The following PHF14 variants were observed in gnomAD, a reference collection of about 807,000 sequenced individuals.
PHF14 encodes the protein PHD finger protein 14.
A neutral mutation model predicts 117.9 loss-of-function variants in PHF14; 55 were observed. That is an observed-to-expected ratio of 0.47 (90% CI 0.38 to 0.58). The LOEUF (loss-of-function observed/expected upper bound fraction) is 0.58. PHF14 is among the 20% of genes least tolerant of loss of function. The probability of loss-of-function intolerance (pLI) is 0.00; values close to 1 mark genes in which losing one functional copy is unlikely to be tolerated. For missense variants in PHF14, 978 were observed against 1,122.2 expected, an observed-to-expected ratio of 0.87 and a Z score of 1.84; for synonymous variants, 409 against 368.6, an observed-to-expected ratio of 1.11 and a Z score of -1.26.
chr7:11,135,395 T>G (rs1788191226), intron 17 of PHF14, among the ~76,000 whole-genome samples: 1 of 152,064 alleles, frequency 6.6e-6, no homozygotes, highest in Non-Finnish European at 1.5e-5. Context: ...AAGATAAAGG[T>G]GAAAAATATA....
At chr7:11,098,100 T>A (rs1230035981) in intron 16 of PHF14, among the ~76,000 whole-genome samples, 2 of 152,106 alleles carry the variant, frequency 1.3e-5, no homozygotes, top group Non-Finnish European at 2.9e-5. Flanking sequence ...TAAAAATTTA[T>A]ATACAAAAAT....
rs559424556 is a variant in PHF14, at chr7:11,080,391, T to C, written c.2654+18306T>C. On this transcript the variant is annotated intron_variant, in intron 16 of 17. Transcript: ENST00000634607. Reference sequence around the variant, plus strand: ...GTGTTTTTTTCCCCCCTCAGAATTATAGAATTTTTCATAAAAGTTGCAATT... The same window carrying C: ...GTGTTTTTTTCCCCCCTCAGAATTACAGAATTTTTCATAAAAGTTGCAATT... Among the ~76,000 whole-genome samples, 7 of 152,242 alleles carry C rather than the reference T, an allele frequency of 4.6e-5. No homozygotes were observed. The East Asian group carries it at 7.7e-4, about 17-fold the overall frequency.
At position 10,974,012 on chromosome 7, in the gene PHF14, A is replaced by G. The variant is rs1326103551; in HGVS notation, c.-312A>G. ...TTCTTTCTTTAATTTTTTTTCTTCT[A>G]GTTTTAACGGGAGAAATTAACTCCC... On this transcript the variant is annotated 5_prime_UTR_variant, in exon 1 of 18. Coordinates refer to ENST00000634607, the MANE Select transcript of PHF14 (RefSeq NM_001007157.2). The G allele has an allele frequency of 6.0e-6, 2 of 331,138 alleles. No individual in the cohort carries two copies. Among genetic ancestry groups the G allele is most frequent in the Non-Finnish European group, 5.6e-6 (1 of 178,444 alleles). The allele number at this position is 331,138 out of a possible 1,614,324, so 20.5% of individuals were successfully genotyped here. A position where few individuals can be genotyped will look rare whatever the true frequency, so the allele number is the denominator to read the frequency against.
chr7:10,976,679 C>G (rs188987276), intron 2 of PHF14, among the ~76,000 whole-genome samples: 1 of 151,772 alleles, frequency 6.6e-6, no homozygotes, highest in Non-Finnish European at 1.5e-5. Flanking sequence ...TGATATCGAG[C>G]TAAGTAGAGA....
intron 7 of PHF14, 161 bp from the exon 8 acceptor site, chr7:11,035,479 G>C (rs1464486506): frequency 2.5e-6 from 1 of 398,216 alleles, no homozygotes; most frequent in Non-Finnish European, 4.4e-6. Context: ...TTCTAAAGAA[G>C]TAATTTTTGT....
chr7:11,084,182 A>C (rs1786284315), intron 16 of PHF14, among the ~76,000 whole-genome samples: 1 of 152,236 alleles, frequency 6.6e-6, no homozygotes, highest in Admixed American at 6.5e-5. Context: ...TAATTACAGA[A>C]CTTAAACTTC....
intron 13 of PHF14, among the ~76,000 whole-genome samples, chr7:11,047,808 G>C (rs1784723252): frequency 7.0e-6 from 1 of 143,310 alleles, no homozygotes; most frequent in South Asian, 2.4e-4. Context: ...AAGAAGAGGA[G>C]GGAGGGCAGG....
chr7:11,034,042 G>A (rs2108111), intron 7 of PHF14, among the ~76,000 whole-genome samples: 88,887 of 152,002 alleles, frequency 0.58, 27,774 homozygotes, highest in East Asian at 0.85. Flanking sequence ...ATTTGTATCC[G>A]GGTTTTTATG....
chr7:11,154,783 A>T (rs1374549092), intron 17 of PHF14, among the ~76,000 whole-genome samples: 1 of 152,150 alleles, frequency 6.6e-6, no homozygotes, highest in East Asian at 1.9e-4. Context: ...GCCTTTTCCT[A>T]ATTACTACTT....
chr7:10,981,609 T>C (rs906630317), intron 2 of PHF14, among the ~76,000 whole-genome samples: 7 of 152,218 alleles, frequency 4.6e-5, no homozygotes, highest in African/African-American at 1.7e-4. Context: ...ATTTTCAGGA[T>C]GGACTGCTTT....
intron 4 of PHF14, among the ~76,000 whole-genome samples, chr7:11,000,365 A>C (rs1583347812): frequency 1.1e-5 from 1 of 92,516 alleles, no homozygotes; most frequent in African/African-American, 4.3e-5. Context: ...TTTGAGATGG[A>C]GTCTTGCTCT....
intron 17 of PHF14, among the ~76,000 whole-genome samples, chr7:11,150,300 T>A (rs1355019801): frequency 1.3e-5 from 2 of 152,182 alleles, no homozygotes; most frequent in Non-Finnish European, 2.9e-5. Context: ...GGAAACATTT[T>A]ATAACAAAAT....
intron 16 of PHF14, chr7:11,102,571 G>A: frequency 6.2e-7 from 1 of 1,605,600 alleles, no homozygotes; most frequent in Non-Finnish European, 8.5e-7. Flanking sequence ...TTTTAAAAAT[G>A]TGGATTAAAC....
At chr7:11,102,367 G>T (rs553707789) in intron 16 of PHF14, 97 of 1,046,932 alleles carry the variant, frequency 9.3e-5, no homozygotes, top group Non-Finnish European at 1.3e-4. Flanking sequence ...TATCTCTTTG[G>T]ACCAGATCAT....
rs558886968 is a variant in PHF14, at chr7:10,998,863, C to G, written c.1045+8016C>G. 2.0e-5 allele frequency among the ~76,000 whole-genome samples: 3 copies of G among 152,334 alleles called. No individual in the cohort carries two copies. The East Asian group carries it at 5.8e-4, about 29-fold the overall frequency. On this transcript the variant is annotated intron_variant, in intron 4 of 17. Transcript: ENST00000634607. Reference sequence around the variant, plus strand: ...TTCATTATAATGCTGAGTACCATCTCTACTTCTTAAGTCATTCTTAGGTCT... The same window carrying G: ...TTCATTATAATGCTGAGTACCATCTGTACTTCTTAAGTCATTCTTAGGTCT...
chr7:11,051,490 C>A (rs934427948), intron 13 of PHF14, 122 bp from the exon 14 acceptor site: 1 of 735,752 alleles, frequency 1.4e-6, no homozygotes, highest in African/African-American at 1.8e-5. Flanking sequence ...CCTATAATCA[C>A]ATTACCTGTG....
intron 17 of PHF14, among the ~76,000 whole-genome samples, chr7:11,116,471 T>C (rs56231729): frequency 0.02 from 2,993 of 152,116 alleles, 41 homozygotes; most frequent in Middle Eastern, 0.044. Context: ...TTCATAGACA[T>C]TGAAAACTAA....
Position 10,982,722 on chromosome 7 carries a change from A to T in PHF14, c.463A>T (p.Thr155Ser). Reference sequence around the variant, plus strand: ...TTCTGCTGCTGCCACCACACCAGCCACAAGTCCTCCTGCTGTTAACACATC... The same window carrying T: ...TTCTGCTGCTGCCACCACACCAGCCTCAAGTCCTCCTGCTGTTAACACATC... ...AASAAATTPATSPPAVNTSPS... is the reference protein window; with the variant it reads ...AASAAATTPASSPPAVNTSPS... Residue 155 changes from threonine (T) to serine (S), a missense_variant, in exon 3 of 18, where the codon ACA becomes TCA. Transcript: ENST00000634607. 4 of 1,612,898 alleles carry T rather than the reference A, an allele frequency of 2.5e-6. No homozygotes were observed. The highest frequency in any genetic ancestry group is 3.4e-6 in the Non-Finnish European group (4 of 1,179,344).
intron 16 of PHF14, among the ~76,000 whole-genome samples, chr7:11,090,010 A>G (rs1786584216): frequency 6.6e-6 from 1 of 152,120 alleles, no homozygotes; most frequent in Non-Finnish European, 1.5e-5. Context: ...ACCTCAGGTG[A>G]TTCGCCCGCC....
Sources: allele counts gnomAD v4.1 joint callset (sites outside exome capture counted in the v4.1 genomes callset), GRCh38; gene constraint gnomAD v4.1.1; transcripts MANE v1.5; gene names NCBI Gene and HGNC (gene_info 2026-07-23, HGNC 2026-07-21).